Variants in COL14A1 observed in about 807,000 individuals in gnomAD.
The protein encoded by COL14A1 is collagen alpha-1(XIV) chain.
A neutral mutation model predicts 230.3 loss-of-function variants in COL14A1; 136 were observed. The ratio of observed to expected loss-of-function variants is 0.59; its 90% confidence interval spans 0.51 to 0.68. COL14A1 has a LOEUF of 0.68. Among genes scored for constraint, COL14A1 ranks in the 30% least tolerant of loss-of-function variants. The pLI is 0.00. For missense variants in COL14A1, 1,976 were observed against 2,215.8 expected (o/e 0.89, Z 2.17); for synonymous variants, 792 against 784.1 (o/e 1.01, Z -0.17).
chr8:120,330,420 G>A (rs1821823875), intron 40 of COL14A1, among the ~76,000 whole-genome samples: 1 of 152,198 alleles, frequency 6.6e-6, no homozygotes, highest in South Asian at 2.1e-4. Context: ...ACATGGCTGG[G>A]GAGACCTCAC....
chr8:120,354,843 C>T (rs1822920739), intron 45 of COL14A1, among the ~76,000 whole-genome samples: 1 of 152,162 alleles, frequency 6.6e-6, no homozygotes, highest in African/African-American at 2.4e-5. Context: ...TAACATCATG[C>T]TTTATATTAA....
At position 120,227,270 on chromosome 8, in the gene COL14A1, C is replaced by T. The variant is rs760885935; in HGVS notation, c.2055C>T (p.Pro685=). 3.7e-5 allele frequency: 60 copies of T among 1,613,814 alleles called. No individual in the cohort carries two copies. Among genetic ancestry groups the T allele is most frequent in the East Asian group, 1.6e-4 (7 of 44,874 alleles). The change falls in exon 17 of 48, where the codon CCC becomes CCT. Residue 685 remains proline (P), a synonymous_variant. Transcript: ENST00000297848. The part of the protein sequence containing the change: ...QDSHVIEGLE[P]GTEYEVSLLA... The stretch of plus-strand genomic sequence containing the variant: ...CACATGTTATTGAAGGCCTGGAGCC[C>T]GGTACGGAGTATGAAGTTTCACTAT...
intron 14 of COL14A1, among the ~76,000 whole-genome samples, chr8:120,217,207 A>T (rs913935324): frequency 1.3e-5 from 2 of 152,208 alleles, no homozygotes; most frequent in African/African-American, 4.8e-5. Context: ...CCTGCTTTTG[A>T]GTAAACTGGC....
intron 7 of COL14A1, among the ~76,000 whole-genome samples, chr8:120,198,312 C>T (rs1182387497): frequency 6.6e-6 from 1 of 152,088 alleles, no homozygotes; most frequent in African/African-American, 2.4e-5. Flanking sequence ...TTTCTTTGCC[C>T]TTATTCTGCA....
Position 120,315,963 on chromosome 8 carries a change from G to C in COL14A1, c.4625G>C (p.Gly1542Ala). 6.2e-7 allele frequency: 1 copy of C among 1,613,936 alleles called. No individual in the cohort carries two copies. The highest frequency in any genetic ancestry group is 8.5e-7 in the Non-Finnish European group (1 of 1,179,974). Residue 1542 changes from glycine to alanine, a missense_variant, in exon 40 of 48, where the codon GGT (glycine) becomes GCT (alanine). Gly to Ala is a moderately conservative substitution (Grantham distance 60). Coordinates refer to ENST00000297848, the MANE Select transcript of COL14A1 (RefSeq NM_021110.4). ...ACACAGGGTATCCCAGGAGGCGTTG[G>C]TTCACCAGGACGTGATGGCTCACCA... Reference protein sequence around the residue: ...PGPQGIPGGVGSPGRDGSPGQ... With the variant: ...PGPQGIPGGVASPGRDGSPGQ...
At chr8:120,134,833 G>T (rs1236871874) in intron 1 of COL14A1, among the ~76,000 whole-genome samples, 1 of 152,116 alleles carries the variant, frequency 6.6e-6, no homozygotes, top group Non-Finnish European at 1.5e-5. Flanking sequence ...AAAACAGTTG[G>T]GTATGGTGGT....
intron 5 of COL14A1, among the ~76,000 whole-genome samples, chr8:120,178,072 GT>G (rs532259702): frequency 1.2e-3 from 187 of 150,260 alleles, no homozygotes; most frequent in South Asian, 4.0e-3. Flanking sequence ...AATAAAACCT[GT>G]TTTTTTTTTT....
chr8:120,188,163 A>C (rs1816702708), intron 5 of COL14A1, among the ~76,000 whole-genome samples: 1 of 151,370 alleles, frequency 6.6e-6, no homozygotes, highest in African/African-American at 2.4e-5. Flanking sequence ...GCTCACTGCA[A>C]CCTCCACCTC....
chr8:120,329,708 A>G (rs2130196595), intron 40 of COL14A1, among the ~76,000 whole-genome samples: 2 of 152,354 alleles, frequency 1.3e-5, no homozygotes, highest in Admixed American at 1.3e-4. Flanking sequence ...AGTAATCTGT[A>G]TCAGGGTTTA....
intron 1 of COL14A1, among the ~76,000 whole-genome samples, chr8:120,133,256 A>G (rs1283655595): frequency 6.6e-6 from 1 of 151,896 alleles, no homozygotes; most frequent in Non-Finnish European, 1.5e-5. Flanking sequence ...AACTGTTCCA[A>G]AGTACAGTAT....
At chr8:120,289,498 A>T in intron 33 of COL14A1, 110 bp from the exon 34 acceptor site, 1 of 840,774 alleles carries the variant, frequency 1.2e-6, no homozygotes, top group Non-Finnish European at 1.8e-6. Flanking sequence ...TGGTGACAGA[A>T]TTCTTTCTCT....
chr8:120,203,825 A>C lies in COL14A1; in HGVS notation c.994A>C (p.Arg332=), dbSNP rs767024342. 1.2e-5 allele frequency: 19 copies of C among 1,613,802 alleles called. No homozygotes were observed. The South Asian group carries it at 1.5e-4, about 13-fold the overall frequency. ...LMHTVVESLT[R]TLCSRVEEQD... is the part of the protein sequence containing the mutation. ...GCACACAGTTGTGGAGAGTCTGACC[A>C]GGACTCTCTGCTCTAGAGTGGAAGA... Residue 332 remains arginine (R), a synonymous_variant, in exon 9 of 48, where the codon AGG becomes CGG. Coordinates refer to ENST00000297848, the MANE Select transcript of COL14A1 (RefSeq NM_021110.4).
chr8:120,194,341 C>G (rs1816951428), intron 5 of COL14A1, among the ~76,000 whole-genome samples: 1 of 152,156 alleles, frequency 6.6e-6, no homozygotes, highest in Non-Finnish European at 1.5e-5. Flanking sequence ...TTATTTCCCT[C>G]TTCTTTTAAT....
chr8:120,287,330 A>G (rs1206998733), intron 33 of COL14A1, among the ~76,000 whole-genome samples: 1 of 152,186 alleles, frequency 6.6e-6, no homozygotes, highest in Non-Finnish European at 1.5e-5. Flanking sequence ...CATGGCTCAA[A>G]GTGGTCCCAT....
chr8:120,270,290 T>C (rs992296987), intron 26 of COL14A1, 116 bp downstream of exon 26: 3 of 1,064,812 alleles, frequency 2.8e-6, no homozygotes, highest in Non-Finnish European at 3.9e-6. Context: ...GGGTTCAACC[T>C]TAAATGAAAG....
Position 120,345,571 on chromosome 8 carries a change from G to T in COL14A1, c.5077+8G>T, listed in dbSNP as rs781007002. On this transcript the variant is annotated splice_region_variant and intron_variant, in intron 45 of 47. Transcript: ENST00000297848. ...GGACCCCAGGAGAACGAGGTAAGCT[G>T]GGCCCCTTCTCTCAGAGGAACTCCT... 8 of 1,523,262 alleles carry T rather than the reference G, an allele frequency of 5.3e-6. No individual in the cohort carries two copies. 94.4% of individuals were successfully genotyped at this position (1,523,262 alleles called of 1,614,324 possible). A position where few individuals can be genotyped will look rare whatever the true frequency, so the allele number is the denominator to read the frequency against.
At position 120,262,907 on chromosome 8, in the gene COL14A1, C is replaced by A; in HGVS notation, c.2909C>A (p.Thr970Asn). 6.2e-7 allele frequency: 1 copy of A among 1,613,454 alleles called. No individual in the cohort carries two copies. The highest frequency in any genetic ancestry group is 1.1e-5 in the South Asian group (1 of 90,956). ...KQESTVGGGT[T>N]RHCFYGLQPD... ...GAATCCACTGTGGGTGGAGGGACAA[C>A]CAGGCATTGCTTCTATGGACTTCAG... The change falls in exon 24 of 48, where the codon ACC (threonine) becomes AAC (asparagine). Residue 970 changes from threonine (T) to asparagine (N), a missense_variant. By Grantham distance (65) the Thr-to-Asn change is moderately conservative. Around this residue, in one of 3 missense-constraint regions of COL14A1, gnomAD observed 1,791 missense variants for 2,019.5 expected, o/e 0.89. Transcript: ENST00000297848.
intron 5 of COL14A1, among the ~76,000 whole-genome samples, chr8:120,191,879 T>C (rs1563661758): frequency 6.6e-6 from 1 of 152,166 alleles, no homozygotes; most frequent in Non-Finnish European, 1.5e-5. Context: ...CCTGCCTTTT[T>C]TTGTTTTCCA....
At position 120,254,821 on chromosome 8, in the gene COL14A1, CAA is replaced by C. The variant is rs59681431; in HGVS notation, c.2753-399_2753-398del. The stretch of plus-strand genomic sequence containing the variant: ...GCAACATGGCGAAACACTGCCTCTA[CAA>C]AAAAAAAAAAAAAAAAAAATTAGCT... On this transcript the variant is annotated intron_variant, in intron 22 of 47. Coordinates refer to ENST00000297848, the MANE Select transcript of COL14A1 (RefSeq NM_021110.4). Among the ~76,000 whole-genome samples, 552 of 93,618 alleles carry C rather than the reference CAA, an allele frequency of 5.9e-3. 1 individual carries two copies. The highest frequency in any genetic ancestry group is 0.019 in the African/African-American group (465 of 24,662). The allele number at this position is 93,618 out of a possible 152,430, so 61.4% of individuals were successfully genotyped here.
Sources: gnomAD v4.1 joint callset for allele counts (sites outside exome capture counted in the v4.1 genomes callset) on GRCh38, gnomAD v4.1.1 for gene constraint, gnomAD v4.1.1 regional missense constraint, MANE v1.5 for transcripts, NCBI Gene and HGNC (gene_info 2026-07-23, HGNC 2026-07-21) for gene names.